Variants in SLC18A1 observed in about 807,000 individuals in gnomAD.
SLC18A1 encodes solute carrier family 18 member A1.
SLC18A1 carries 69 observed loss-of-function variants against 53.7 expected under a neutral mutation model. The ratio of observed to expected loss-of-function variants is 1.28; its 90% CI spans 1.06 to 1.57. The LOEUF (loss-of-function observed/expected upper bound fraction) is 1.57. SLC18A1 is among the 40% of genes most tolerant of loss of function. The pLI, the probability that SLC18A1 is intolerant of heterozygous loss-of-function variation, is 0.00. For synonymous variants in SLC18A1, 320 were observed against 248.1 expected (o/e 1.29, Z -2.72); for missense variants, 932 against 668.1 (o/e 1.40, Z -4.35).
intron 10 of SLC18A1, among the ~76,000 whole-genome samples, chr8:20,156,949 A>G (rs2071698070): frequency 6.6e-6 from 1 of 152,186 alleles, no homozygotes; most frequent in African/African-American, 2.4e-5. Flanking sequence ...TCGCAAAGGC[A>G]ATGTTGGGCA....
At chr8:20,159,634 C>CAAAAAAAAAAAAAAAAAAAAAAAAAA (rs200123466) in intron 10 of SLC18A1, among the ~76,000 whole-genome samples, 26 of 81,532 alleles carry the variant, frequency 3.2e-4, no homozygotes, top group Non-Finnish European at 3.9e-4. Flanking sequence ...TTGCAGCTGC[C>CAAAAAAAAAAAAAAAAAAAAAAAAAA]AAAAAAAAAA....
chr8:20,178,355 C>T (rs943513261), intron 4 of SLC18A1, 80 bp downstream of exon 4: 2 of 1,124,688 alleles, frequency 1.8e-6, no homozygotes, highest in African/African-American at 3.1e-5. Flanking sequence ...TTCTAGGTTA[C>T]CCTGCTATCT....
At chr8:20,151,690 G>A (rs1338320045) in intron 10 of SLC18A1, among the ~76,000 whole-genome samples, 1 of 152,184 alleles carries the variant, frequency 6.6e-6, no homozygotes, top group African/African-American at 2.4e-5. Context: ...GGAAACATGG[G>A]CTTTGGAGCC....
intron 9 of SLC18A1, 28 bp downstream of exon 9, chr8:20,165,019 G>C (rs770306043): frequency 3.7e-6 from 6 of 1,613,752 alleles, no homozygotes; most frequent in East Asian, 2.2e-5. Context: ...GACACTCCCC[G>C]CCCAATGGGA....
At chr8:20,181,796 T>C (rs1330901291) in intron 1 of SLC18A1, 1 of 152,094 alleles carries the variant, frequency 6.6e-6, no homozygotes, top group African/African-American at 2.4e-5. Context: ...TTAGGAGATT[T>C]GTTTGGGGTT....
chr8:20,164,888 G>T lies in SLC18A1; in HGVS notation c.996C>A (p.Cys332Ter). ...ACTTACCCAGCTGCCACTTGGGGGAGCACATGGTCTGCATCATCCAGATGG... is the reference window on the plus strand; with the variant it reads ...ACTTACCCAGCTGCCACTTGGGGGATCACATGGTCTGCATCATCCAGATGG... ...TLPIWMMQTMCSPKWQLGLAF... is the reference protein window; with the variant it reads ...TLPIWMMQTM The change falls in exon 10 of 16, where the codon TGC becomes TGA. Residue 332 changes from cysteine to a stop codon, truncating the protein, a stop_gained. Transcript: ENST00000276373. LOFTEE classifies it high-confidence loss of function. 6.2e-7 allele frequency: 1 copy of T among 1,611,180 alleles called. No homozygotes were observed. The highest frequency in any genetic ancestry group is 2.2e-5 in the East Asian group (1 of 44,784).
intron 15 of SLC18A1, among the ~76,000 whole-genome samples, chr8:20,146,188 T>C (rs541764020): frequency 1.3e-5 from 2 of 152,286 alleles, no homozygotes; most frequent in East Asian, 3.9e-4. Context: ...GTGCTGGGAT[T>C]ACAGGCGTGA....
At chr8:20,180,111 T>TGA (rs1423893755) in intron 2 of SLC18A1, among the ~76,000 whole-genome samples, 1 of 140,824 alleles carries the variant, frequency 7.1e-6, no homozygotes, top group Non-Finnish European at 1.6e-5. Context: ...ATTATAATTG[T>TGA]GTGTGTGTGT....
chr8:20,179,995 T>C (rs1015378413), intron 2 of SLC18A1, among the ~76,000 whole-genome samples: 33 of 152,200 alleles, frequency 2.2e-4, no homozygotes, highest in African/African-American at 7.2e-4. Context: ...ATCCCAACTC[T>C]GGCACCTGCT....
At chr8:20,163,983 C>T (rs1165856820) in intron 10 of SLC18A1, among the ~76,000 whole-genome samples, 1 of 152,162 alleles carries the variant, frequency 6.6e-6, no homozygotes, top group Non-Finnish European at 1.5e-5. Context: ...CCGACTAACT[C>T]AATTAATCGT....
rs548441036 is a variant in SLC18A1, at chr8:20,149,207, C to G, written c.1146+469G>C. 6.6e-5 allele frequency among the ~76,000 whole-genome samples: 10 copies of G among 152,242 alleles called. No homozygotes were observed. The Middle Eastern group carries it at 0.01, about 155-fold the overall frequency. On this transcript the variant is annotated intron_variant, in intron 12 of 15. Transcript: ENST00000276373. ...ATGGAAAAGTCCTTCTTTCTTTCTT[C>G]TTCTATCAAGCCTCTGGTGCCAGAG...
chr8:20,165,183 G>T (rs3779670), intron 8 of SLC18A1, 76 bp from the exon 9 acceptor site: 1 of 1,301,468 alleles, frequency 7.7e-7, no homozygotes, highest in Non-Finnish European at 1.1e-6. Context: ...ATCTGAGAAA[G>T]TACAATTATG....
Position 20,151,036 on chromosome 8 carries a change from A to G in SLC18A1, c.1016-292T>C, listed in dbSNP as rs547732792. On this transcript the variant is annotated intron_variant, in intron 10 of 15. Coordinates refer to ENST00000276373, the MANE Select transcript of SLC18A1 (RefSeq NM_003053.4). ...ACCCAGGCTGGAGTGCAGTGGTACAATCTCAGCCCACTGCAGCCTCGACCT... is the reference window on the plus strand; with the variant it reads ...ACCCAGGCTGGAGTGCAGTGGTACAGTCTCAGCCCACTGCAGCCTCGACCT... 1.4e-5 allele frequency: 5 copies of G among 345,840 alleles called. No individual in the cohort carries two copies. In the South Asian group the frequency reaches 1.5e-4, roughly 11 times the overall value. The allele number at this position is 345,840 out of a possible 1,614,324, so 21.4% of individuals were successfully genotyped here. A position where few individuals can be genotyped will look rare whatever the true frequency, so the allele number is the denominator to read the frequency against.
intron 10 of SLC18A1, among the ~76,000 whole-genome samples, chr8:20,161,138 A>G (rs930570165): frequency 6.6e-6 from 1 of 152,184 alleles, no homozygotes; most frequent in Non-Finnish European, 1.5e-5. Context: ...CAATAGTTTC[A>G]GAAGTCTTAA....
chr8:20,174,896 G>A (rs529775825), intron 4 of SLC18A1, among the ~76,000 whole-genome samples: 5 of 152,188 alleles, frequency 3.3e-5, no homozygotes, highest in African/African-American at 1.2e-4. Flanking sequence ...TAGGTGCTTC[G>A]AGGATTATAG....
intron 5 of SLC18A1, 81 bp downstream of exon 5, chr8:20,174,279 TA>T: frequency 9.8e-7 from 1 of 1,024,350 alleles, no homozygotes; most frequent in Non-Finnish European, 1.5e-6. Context: ...TTTCTCCATG[TA>T]AATATAGGAT....
Position 20,145,507 on chromosome 8 carries a change from T to G in SLC18A1, c.*256A>C, listed in dbSNP as rs2071371547. 3.2e-6 allele frequency: 1 copy of G among 313,102 alleles called. No individual in the cohort carries two copies. The highest frequency in any genetic ancestry group is 5.9e-6 in the Non-Finnish European group (1 of 170,670). The allele number at this position is 313,102 out of a possible 1,614,324, so 19.4% of individuals were successfully genotyped here. On this transcript the variant is annotated 3_prime_UTR_variant, in exon 16 of 16. Coordinates refer to ENST00000276373, the MANE Select transcript of SLC18A1 (RefSeq NM_003053.4). Reference sequence around the variant, plus strand: ...CGTCACAGCTCAAGTTTAATCAACCTCACAGCAGCGGGAAGGTGCATCACT... The same window carrying G: ...CGTCACAGCTCAAGTTTAATCAACCGCACAGCAGCGGGAAGGTGCATCACT...
At chr8:20,169,329 G>A (rs1406769883) in intron 8 of SLC18A1, among the ~76,000 whole-genome samples, 13 of 151,960 alleles carry the variant, frequency 8.6e-5, no homozygotes, top group African/African-American at 3.1e-4. Flanking sequence ...CTTTGCATTA[G>A]AGAAAAAAAG....
intron 4 of SLC18A1, among the ~76,000 whole-genome samples, chr8:20,176,569 C>T (rs1371339482): frequency 6.6e-6 from 1 of 152,100 alleles, no homozygotes; most frequent in Non-Finnish European, 1.5e-5. Flanking sequence ...CATGGGCCAC[C>T]ATTTCACTCT....
Sources: allele counts gnomAD v4.1 joint callset (sites outside exome capture counted in the v4.1 genomes callset), GRCh38; gene constraint gnomAD v4.1.1; transcripts MANE v1.5; gene names NCBI Gene and HGNC (gene_info 2026-07-23, HGNC 2026-07-21).